AUTS2: variants seen among roughly 807,000 people sequenced by gnomAD.
AUTS2 encodes activator of transcription and developmental regulator AUTS2, also known as autism susceptibility gene 2 protein.
A neutral mutation model predicts 112.4 loss-of-function variants in AUTS2; 17 were observed. The observed-to-expected ratio is 0.15, with a 90% CI of 0.10 to 0.23. The LOEUF (loss-of-function observed/expected upper bound fraction) is 0.23, where lower values mean the gene tolerates loss of function less well. Among genes scored for constraint, AUTS2 ranks in the 10% least tolerant of loss-of-function variants. The pLI is 1.00. For missense variants in AUTS2, 1,510 were observed against 1,701.6 expected, an observed-to-expected ratio of 0.89 and a Z score of 1.98; for synonymous variants, 751 against 702.7, an observed-to-expected ratio of 1.07 and a Z score of -1.09.
chr7:70,022,609 C>T (rs977499518), intron 2 of AUTS2, among the ~76,000 whole-genome samples: 2 of 152,146 alleles, frequency 1.3e-5, no homozygotes, highest in African/African-American at 2.4e-5. Flanking sequence ...ACATGAGCCA[C>T]TGCACCTGGC....
intron 5 of AUTS2, among the ~76,000 whole-genome samples, chr7:70,496,009 A>ACG (rs1798468053): frequency 9.6e-6 from 1 of 104,226 alleles, no homozygotes; most frequent in Non-Finnish European, 1.9e-5. Context: ...ATACACAGTC[A>ACG]CACACACACA....
At chr7:70,536,224 G>T (rs1367251200) in intron 5 of AUTS2, among the ~76,000 whole-genome samples, 1 of 152,158 alleles carries the variant, frequency 6.6e-6, no homozygotes, top group Non-Finnish European at 1.5e-5. Flanking sequence ...GGGAGGCAGA[G>T]GTTGCAGTGA....
intron 1 of AUTS2, among the ~76,000 whole-genome samples, chr7:69,634,294 G>A (rs1794416494): frequency 1.3e-5 from 2 of 151,630 alleles, no homozygotes; most frequent in Admixed American, 6.6e-5. Context: ...TAATTTTTTT[G>A]TATTTTTAGT....
intron 1 of AUTS2, among the ~76,000 whole-genome samples, chr7:69,829,877 C>T (rs1791420346): frequency 6.6e-6 from 1 of 152,144 alleles, no homozygotes; most frequent in African/African-American, 2.4e-5. Flanking sequence ...CCAGCAATCT[C>T]ATTACTGGGT....
At chr7:70,526,296 G>A (rs957393739) in intron 5 of AUTS2, among the ~76,000 whole-genome samples, 3 of 152,176 alleles carry the variant, frequency 2.0e-5, no homozygotes, top group African/African-American at 7.2e-5. Context: ...CGCACGCTCT[G>A]CTGACATCGT....
At chr7:70,726,373 T>TAC (rs1787034919) in intron 6 of AUTS2, among the ~76,000 whole-genome samples, 1 of 152,096 alleles carries the variant, frequency 6.6e-6, no homozygotes, top group Non-Finnish European at 1.5e-5. Context: ...ATTGACTCAT[T>TAC]TCCACCACAT....
At chr7:70,043,372 T>G (rs1289349765) in intron 2 of AUTS2, among the ~76,000 whole-genome samples, 1 of 152,142 alleles carries the variant, frequency 6.6e-6, no homozygotes, top group Non-Finnish European at 1.5e-5. Context: ...GACATAATTA[T>G]GACACAGATT....
At chr7:70,665,843 C>G (rs1301881090) in intron 5 of AUTS2, among the ~76,000 whole-genome samples, 4 of 152,174 alleles carry the variant, frequency 2.6e-5, no homozygotes, top group Non-Finnish European at 5.9e-5. Flanking sequence ...ACAGATTTTA[C>G]TATACTCAAG....
intron 5 of AUTS2, among the ~76,000 whole-genome samples, chr7:70,575,704 G>C (rs1025167482): frequency 3.3e-5 from 5 of 152,196 alleles, no homozygotes; most frequent in African/African-American, 1.2e-4. Flanking sequence ...GGGAATGACA[G>C]TTAACTGCGG....
chr7:69,831,793 A>G (rs762669223), intron 1 of AUTS2, among the ~76,000 whole-genome samples: 17 of 152,176 alleles, frequency 1.1e-4, no homozygotes, highest in Non-Finnish European at 2.5e-4. Context: ...ATTGCACCCT[A>G]ATTCTTCTCC....
chr7:70,728,980 C>T (rs911094888), intron 6 of AUTS2, among the ~76,000 whole-genome samples: 5 of 152,118 alleles, frequency 3.3e-5, no homozygotes, highest in Non-Finnish European at 5.9e-5. Flanking sequence ...CGCTCTCTCC[C>T]AAGGGGCCAC....
At chr7:70,379,267 G>A (rs1051422250) in intron 4 of AUTS2, among the ~76,000 whole-genome samples, 3 of 152,172 alleles carry the variant, frequency 2.0e-5, no homozygotes, top group African/African-American at 7.2e-5. Flanking sequence ...TGGGGGAGCC[G>A]AGGCAGGTGG....
intron 1 of AUTS2, among the ~76,000 whole-genome samples, chr7:69,764,916 T>C (rs1788354313): frequency 6.6e-6 from 1 of 152,096 alleles, no homozygotes; most frequent in Non-Finnish European, 1.5e-5. Flanking sequence ...GGATGATGGG[T>C]TTATTGTCCT....
chr7:70,501,077 A>G (rs1368741450), intron 5 of AUTS2, among the ~76,000 whole-genome samples: 1 of 152,260 alleles, frequency 6.6e-6, no homozygotes, highest in Admixed American at 6.5e-5. Context: ...GATATGAGGA[A>G]AAAATCTAAA....
At chr7:70,164,050 A>T (rs1320441378) in intron 4 of AUTS2, among the ~76,000 whole-genome samples, 2 of 152,204 alleles carry the variant, frequency 1.3e-5, no homozygotes, top group Admixed American at 6.5e-5. Flanking sequence ...TGCAGGTCCT[A>T]CTTAGGTCCT....
intron 2 of AUTS2, among the ~76,000 whole-genome samples, chr7:69,981,629 G>A (rs141743843): frequency 1.2e-4 from 18 of 152,162 alleles, no homozygotes; most frequent in South Asian, 2.1e-4. Context: ...CACTATCAGC[G>A]CTTAAGAGTC....
intron 4 of AUTS2, among the ~76,000 whole-genome samples, chr7:70,367,849 C>G (rs1792655889): frequency 6.6e-6 from 1 of 152,034 alleles, no homozygotes; most frequent in Non-Finnish European, 1.5e-5. Context: ...TGACCTTTAG[C>G]AACAACTTTT....
intron 5 of AUTS2, among the ~76,000 whole-genome samples, chr7:70,495,710 C>A (rs1798439291): frequency 7.2e-6 from 1 of 139,312 alleles, no homozygotes; most frequent in African/African-American, 2.7e-5. Context: ...CACACACACA[C>A]ACCCCACACA....
chr7:70,034,830 A>AT (rs1461729360), intron 2 of AUTS2, among the ~76,000 whole-genome samples: 2 of 152,090 alleles, frequency 1.3e-5, no homozygotes, highest in Non-Finnish European at 2.9e-5. Context: ...AACAATTCTA[A>AT]TTTTTTAAAA....
Sources: gnomAD v4.1 joint callset for allele counts (sites outside exome capture counted in the v4.1 genomes callset) on GRCh38, gnomAD v4.1.1 for gene constraint, MANE v1.5 for transcripts, NCBI Gene and HGNC (gene_info 2026-07-23, HGNC 2026-07-21) for gene names.